Variants in CWC27 observed in about 807,000 individuals in gnomAD.
The protein encoded by CWC27 is spliceosome-associated protein CWC27 homolog.
In CWC27, 47 loss-of-function variants were observed where a neutral mutation model predicts 63.6. The ratio of observed to expected loss-of-function variants is 0.74; its 90% confidence interval spans 0.58 to 0.94. The LOEUF is 0.94. Among genes scored for constraint, CWC27 ranks in the 40% least tolerant of loss-of-function variants. The pLI is 0.00. For synonymous variants in CWC27, 175 were observed against 179.8 expected (o/e 0.97, Z 0.22); for missense variants, 495 against 554.3 (o/e 0.89, Z 1.07).
At chr5:64,909,829 A>T (rs1338412212) in intron 11 of CWC27, among the ~76,000 whole-genome samples, 1 of 152,092 alleles carries the variant, frequency 6.6e-6, no homozygotes, top group African/African-American at 2.4e-5. Flanking sequence ...CCATTCATCC[A>T]ATCTTTTTTC....
chr5:64,979,765 A>G (rs1419339484), intron 13 of CWC27, among the ~76,000 whole-genome samples: 2 of 152,198 alleles, frequency 1.3e-5, no homozygotes, highest in African/African-American at 4.8e-5. Flanking sequence ...ATTGCTTCTA[A>G]GACATTTTTA....
intron 11 of CWC27, among the ~76,000 whole-genome samples, chr5:64,906,326 T>C (rs1360135267): frequency 6.6e-6 from 1 of 152,160 alleles, no homozygotes; most frequent in Non-Finnish European, 1.5e-5. Context: ...TCCTTTCCAA[T>C]ATCTGTTTTT....
intron 11 of CWC27, among the ~76,000 whole-genome samples, chr5:64,927,882 C>T (rs910954037): frequency 5.3e-5 from 8 of 152,110 alleles, no homozygotes; most frequent in African/African-American, 1.2e-4. Context: ...CAGCCGGGCA[C>T]GGTGGCTCAT....
intron 2 of CWC27, 99 bp downstream of exon 2, chr5:64,774,886 C>A: frequency 1.5e-6 from 1 of 673,008 alleles, no homozygotes; most frequent in South Asian, 2.0e-5. Context: ...AAATAGTGGT[C>A]ATGAATGACA....
intron 10 of CWC27, chr5:64,807,866 A>G: frequency 6.7e-7 from 1 of 1,495,060 alleles, no homozygotes; most frequent in East Asian, 2.5e-5. Flanking sequence ...AAAAACTAAC[A>G]AAACCATTCC....
chr5:64,987,767 A>T (rs1749463412), intron 13 of CWC27, among the ~76,000 whole-genome samples: 1 of 152,184 alleles, frequency 6.6e-6, no homozygotes. Flanking sequence ...TGTTCCACCA[A>T]ATTCTGTTCT....
chr5:64,986,654 A>C (rs1363932454), intron 13 of CWC27, among the ~76,000 whole-genome samples: 1 of 152,178 alleles, frequency 6.6e-6, no homozygotes, highest in Non-Finnish European at 1.5e-5. Context: ...CAGTGAACCC[A>C]TCTAGACCTG....
At chr5:64,787,491 G>A (rs1387945706) in intron 6 of CWC27, among the ~76,000 whole-genome samples, 1 of 151,832 alleles carries the variant, frequency 6.6e-6, no homozygotes, top group Non-Finnish European at 1.5e-5. Context: ...TTTAATGACT[G>A]CATGATTGCA....
At chr5:64,851,717 G>A (rs1401295342) in intron 10 of CWC27, among the ~76,000 whole-genome samples, 2 of 152,082 alleles carry the variant, frequency 1.3e-5, no homozygotes, top group African/African-American at 2.4e-5. Context: ...GAAAATGTTT[G>A]AAAGGCATCA....
intron 11 of CWC27, among the ~76,000 whole-genome samples, chr5:64,944,033 T>C (rs1240163977): frequency 1.3e-5 from 2 of 152,152 alleles, no homozygotes; most frequent in Non-Finnish European, 1.5e-5. Flanking sequence ...CCTCCACTTG[T>C]GCCTTGGATC....
chr5:64,860,931 A>G (rs1746396196), intron 10 of CWC27, among the ~76,000 whole-genome samples: 1 of 152,230 alleles, frequency 6.6e-6, no homozygotes, highest in South Asian at 2.1e-4. Context: ...TAACTAAAAC[A>G]AGCAGCTCAT....
At chr5:64,818,528 G>A (rs899403712) in intron 10 of CWC27, among the ~76,000 whole-genome samples, 5 of 152,142 alleles carry the variant, frequency 3.3e-5, no homozygotes, top group African/African-American at 9.7e-5. Flanking sequence ...AAAAGCCTTT[G>A]GCTTGGCTCC....
chr5:64,942,072 A>G (rs921046605), intron 11 of CWC27, among the ~76,000 whole-genome samples: 2 of 152,146 alleles, frequency 1.3e-5, no homozygotes, highest in African/African-American at 4.8e-5. Flanking sequence ...TACATGTTGA[A>G]TATATTATAT....
At chr5:64,853,360 C>A (rs575574915) in intron 10 of CWC27, among the ~76,000 whole-genome samples, 1 of 152,198 alleles carries the variant, frequency 6.6e-6, no homozygotes, top group Non-Finnish European at 1.5e-5. Flanking sequence ...GAATTTAATT[C>A]TCTTCATATT....
rs35301190 is a variant in CWC27, at chr5:64,979,965, T to TAA, written c.1256+2746_1256+2747dup. On this transcript the variant is annotated intron_variant, in intron 13 of 13. Coordinates refer to ENST00000381070, the MANE Select transcript of CWC27 (RefSeq NM_005869.4). ...ATTCAGCAGCATTATACTTTTTATG[T>TAA]AAAAAAAAAAAAAAAAAAAAGAGAG... Among the ~76,000 whole-genome samples the TAA allele has an allele frequency of 1.6e-3, 183 of 112,214 alleles. 2 individuals are homozygous for TAA. The highest frequency in any genetic ancestry group is 3.4e-3 in the East Asian group (14 of 4,122). 73.6% of individuals were successfully genotyped at this position (112,214 alleles called of 152,430 possible).
intron 11 of CWC27, among the ~76,000 whole-genome samples, chr5:64,889,893 A>C (rs543426999): frequency 6.6e-6 from 1 of 152,202 alleles, no homozygotes; most frequent in East Asian, 1.9e-4. Flanking sequence ...ATAAATTTTG[A>C]ATAAGATTGA....
chr5:65,017,337 C>G (rs540565370), intron 13 of CWC27, among the ~76,000 whole-genome samples: 2 of 152,164 alleles, frequency 1.3e-5, no homozygotes, highest in Non-Finnish European at 1.5e-5. Flanking sequence ...AAAAATTGAA[C>G]TTTTCTCTTT....
At chr5:64,978,628 G>C (rs1424906266) in intron 13 of CWC27, among the ~76,000 whole-genome samples, 4 of 149,590 alleles carry the variant, frequency 2.7e-5, no homozygotes, top group East Asian at 3.9e-4. Flanking sequence ...TTTTGGCGGT[G>C]GGGGGGATTC....
intron 13 of CWC27, among the ~76,000 whole-genome samples, chr5:65,007,589 C>A (rs1282550213): frequency 1.3e-5 from 2 of 149,948 alleles, no homozygotes; most frequent in Non-Finnish European, 3.0e-5. Flanking sequence ...CATGGTCTTT[C>A]TTCTGTGCTC....
Sources: allele counts gnomAD v4.1 joint callset (sites outside exome capture counted in the v4.1 genomes callset), GRCh38; gene constraint gnomAD v4.1.1; transcripts MANE v1.5; gene names NCBI Gene and HGNC (gene_info 2026-07-23, HGNC 2026-07-21).